Variants in AP4E1 observed in about 807,000 individuals in gnomAD.
AP4E1 encodes AP-4 complex subunit epsilon-1.
A neutral mutation model predicts 128.2 loss-of-function variants in AP4E1; 56 were observed. The observed-to-expected ratio is 0.44, with a 90% confidence interval of 0.35 to 0.55. The LOEUF is 0.55. Ranked by LOEUF, AP4E1 falls within the 20% of genes least tolerant of loss-of-function variation. AP4E1 has a pLI of 0.00. For synonymous variants in AP4E1, 484 were observed against 473.1 expected (o/e 1.02, Z -0.30); for missense variants, 1,324 against 1,307.7 (o/e 1.01, Z -0.19).
At chr15:50,908,264 C>T (rs1386590292), upstream of AP4E1, among the ~76,000 whole-genome samples, 3 of 152,194 alleles carry the variant, frequency 2.0e-5, no homozygotes, top group Non-Finnish European at 4.4e-5. Flanking sequence ...GAGCCGCGCG[C>T]GGCGCCGGGG....
intron 17 of AP4E1, 21 bp downstream of exon 17, chr15:50,993,646 C>T (rs1225574464): frequency 6.2e-7 from 1 of 1,613,362 alleles, no homozygotes; most frequent in Non-Finnish European, 8.5e-7. Flanking sequence ...GGTTCTATTC[C>T]TGTAAGAATC....
intron 4 of AP4E1, among the ~76,000 whole-genome samples, chr15:50,924,437 G>C (rs1408032003): frequency 3.3e-5 from 5 of 152,078 alleles, no homozygotes; most frequent in Non-Finnish European, 7.4e-5. Context: ...TAACTGAAAT[G>C]TAGAGATAAT....
chr15:50,983,265 G>T (rs1231240534), intron 15 of AP4E1, among the ~76,000 whole-genome samples: 1 of 152,162 alleles, frequency 6.6e-6, no homozygotes, highest in East Asian at 1.9e-4. Context: ...CAATCATGTT[G>T]CAGTCTAGCC....
chr15:50,949,859 A>C lies in AP4E1; in HGVS notation c.1350A>C (p.Thr450=). ...YAPDNAWFIQ[T]MNAVFSVGGD... ...CTGATAATGCATGGTTTATTCAGAC[A>C]ATGAATGCTGTGTTTTCAGTAGGAG... Residue 450 remains threonine, a synonymous_variant, in exon 12 of 21, where the codon ACA becomes ACC. Transcript: ENST00000261842. The C allele has an allele frequency of 1.2e-6, 2 of 1,613,810 alleles. No individual in the cohort carries two copies. Among genetic ancestry groups the C allele is most frequent in the Non-Finnish European group, 1.7e-6 (2 of 1,179,814 alleles).
At chr15:50,925,980 A>G (rs1243620839) in intron 5 of AP4E1, among the ~76,000 whole-genome samples, 2 of 151,852 alleles carry the variant, frequency 1.3e-5, no homozygotes, top group East Asian at 3.9e-4. Context: ...TTTACAGCAG[A>G]ATGTTTCCAA....
intron 17 of AP4E1, 49 bp downstream of exon 17, chr15:50,993,674 CA>C (rs761696477): frequency 1.3e-5 from 21 of 1,609,000 alleles, no homozygotes; most frequent in Non-Finnish European, 1.3e-5. Flanking sequence ...TCTGTCTGTA[CA>C]AAAAAAACTG....
Position 51,003,134 on chromosome 15 carries a change from C to T in AP4E1, c.*472C>T, listed in dbSNP as rs1327895944. ...TTTTTGGTAGGGAAGTCAATATTTT[C>T]GATTATGTTTTGCTTAGATCAGTGT... is the stretch of plus-strand genomic sequence containing the variant. On this transcript the variant is annotated 3_prime_UTR_variant, in exon 21 of 21. Transcript: ENST00000261842. 2.6e-5 allele frequency: 5 copies of T among 190,946 alleles called. No individual in the cohort carries two copies. The highest frequency in any genetic ancestry group is 2.1e-4 in the South Asian group (2 of 9,650). The allele number at this position is 190,946 out of a possible 1,614,324, so 11.8% of individuals were successfully genotyped here. A position where few individuals can be genotyped will look rare whatever the true frequency, so the allele number is the denominator to read the frequency against.
intron 15 of AP4E1, among the ~76,000 whole-genome samples, chr15:50,982,261 C>G (rs1480231294): frequency 6.6e-6 from 1 of 151,998 alleles, no homozygotes; most frequent in Non-Finnish European, 1.5e-5. Context: ...AATTTCTGTT[C>G]ATTATAAATC....
Position 50,925,177 on chromosome 15 carries a change from C to T in AP4E1, c.500C>T (p.Pro167Leu), listed in dbSNP as rs1168633426. The T allele has an allele frequency of 1.2e-6, 2 of 1,613,582 alleles. No individual in the cohort carries two copies. The highest frequency in any genetic ancestry group is 2.7e-5 in the African/African-American group (2 of 74,930). The change falls in exon 5 of 21, where the codon CCA becomes CTA. Residue 167 changes from proline to leucine, a missense_variant. Physicochemically the swap from Pro to Leu is moderately conservative, Grantham distance 98 (BLOSUM62 -3). Transcript: ENST00000261842. ...CAGATTTTCCCCTGCGAAATGATTC[C>T]AGCTGTTCTTCCATTAATAGAAGAT... The part of the protein sequence containing the change: ...VSQIFPCEMI[P>L]AVLPLIEDKL...
chr15:50,928,499 G>A (rs1198763623), intron 5 of AP4E1, among the ~76,000 whole-genome samples: 1 of 152,032 alleles, frequency 6.6e-6, no homozygotes, highest in African/African-American at 2.4e-5. Flanking sequence ...TGTTGGCCAG[G>A]CTGGTTTTGA....
At chr15:50,965,794 G>T (rs948538586) in intron 14 of AP4E1, among the ~76,000 whole-genome samples, 5 of 152,124 alleles carry the variant, frequency 3.3e-5, no homozygotes, top group African/African-American at 1.2e-4. Flanking sequence ...CCATTTTGGA[G>T]CTTGATCATC....
chr15:50,916,007 A>C (rs913519712), intron 3 of AP4E1: 16 of 171,446 alleles, frequency 9.3e-5, no homozygotes, highest in Non-Finnish European at 1.8e-4. Flanking sequence ...TGCTCACTGC[A>C]ACCTCTGCCT....
At chr15:50,948,376 T>G (rs1469159915) in intron 11 of AP4E1, among the ~76,000 whole-genome samples, 4 of 150,262 alleles carry the variant, frequency 2.7e-5, no homozygotes, top group South Asian at 4.2e-4. Flanking sequence ...CTTTTATTCA[T>G]GTAGTCCAGT....
At chr15:51,000,141 CTTTTTTTT>C (rs11383470) in intron 19 of AP4E1, among the ~76,000 whole-genome samples, 1 of 120,818 alleles carries the variant, frequency 8.3e-6, no homozygotes, top group South Asian at 2.7e-4. Context: ...TTTGTTCATT[CTTTTTTTT>C]TTTTTTTTTT....
At chr15:50,912,590 T>C (rs1300720247) in intron 2 of AP4E1, among the ~76,000 whole-genome samples, 1 of 152,240 alleles carries the variant, frequency 6.6e-6, no homozygotes, top group African/African-American at 2.4e-5. Flanking sequence ...ATTTAATGAA[T>C]GGTCATTCAT....
At chr15:50,910,485 G>A (rs1418211610) in intron 1 of AP4E1, among the ~76,000 whole-genome samples, 1 of 152,182 alleles carries the variant, frequency 6.6e-6, no homozygotes, top group Non-Finnish European at 1.5e-5. Context: ...TTGGGCTTAA[G>A]ACAAGTATAA....
chr15:51,000,885 C>A, intron 19 of AP4E1, 141 bp from the exon 20 acceptor site: 1 of 653,142 alleles, frequency 1.5e-6, no homozygotes, highest in Non-Finnish European at 2.6e-6. Flanking sequence ...CCATTTTTAG[C>A]ATATTTGGTT....
intron 7 of AP4E1, among the ~76,000 whole-genome samples, chr15:50,933,486 T>C (rs3825797): frequency 0.21 from 31,973 of 152,150 alleles, 3,894 homozygotes; most frequent in East Asian, 0.45. Flanking sequence ...CAAATGTTTC[T>C]TCATTTCATG....
intron 15 of AP4E1, among the ~76,000 whole-genome samples, chr15:50,978,932 A>G (rs1158042918): frequency 1.3e-5 from 2 of 152,100 alleles, no homozygotes; most frequent in Admixed American, 6.6e-5. Flanking sequence ...CTCAACCTTG[A>G]GCCTTTCCAC....
Sources: gnomAD v4.1 joint callset for allele counts (sites outside exome capture counted in the v4.1 genomes callset) on GRCh38, gnomAD v4.1.1 for gene constraint, MANE v1.5 for transcripts, NCBI Gene and HGNC (gene_info 2026-07-23, HGNC 2026-07-21) for gene names.